The following ACSL5 variants were observed in gnomAD, a reference collection of about 807,000 sequenced individuals.
The protein encoded by ACSL5 is long-chain-fatty-acid--CoA ligase 5.
A neutral mutation model predicts 84.9 loss-of-function variants in ACSL5; 50 were observed. The observed-to-expected ratio is 0.59, with a 90% CI of 0.47 to 0.75. ACSL5 has a LOEUF of 0.75. Among genes scored for constraint, ACSL5 ranks in the 30% least tolerant of loss-of-function variants. The probability of loss-of-function intolerance (pLI) is 0.00; values close to 1 mark genes in which losing one functional copy is unlikely to be tolerated. For synonymous variants in ACSL5, 280 were observed against 300.7 expected (o/e 0.93, Z 0.71); for missense variants, 775 against 830.4 (o/e 0.93, Z 0.82).
chr10:112,390,291 C>T (rs1289206979), intron 1 of ACSL5, among the ~76,000 whole-genome samples: 1 of 152,000 alleles, frequency 6.6e-6, no homozygotes. Flanking sequence ...TGCTCAACAT[C>T]CTTAGTCATT....
intron 3 of ACSL5, among the ~76,000 whole-genome samples, chr10:112,400,406 C>CTTTTTTTT (rs573644087): frequency 5.6e-4 from 55 of 98,856 alleles, no homozygotes; most frequent in African/African-American, 7.9e-4. Context: ...TTTTTCTTTT[C>CTTTTTTTT]TTTTTTTTTT....
rs532378155 is a variant in ACSL5, at chr10:112,381,583, G to T, written c.-30+7314G>T. On this transcript the variant is annotated intron_variant, in intron 1 of 20. Transcript: ENST00000354655. Reference sequence around the variant, plus strand: ...CTCGGGAGGCTGAGGCAGGAGAATCGCTTGAGCCCTGGAGGCGGAGGTTGC... The same window carrying T: ...CTCGGGAGGCTGAGGCAGGAGAATCTCTTGAGCCCTGGAGGCGGAGGTTGC... Among the ~76,000 whole-genome samples, 7 of 151,032 alleles carry T rather than the reference G, an allele frequency of 4.6e-5. No individual in the cohort carries two copies. The East Asian group carries it at 1.2e-3, about 25-fold the overall frequency.
At chr10:112,376,623 C>T (rs1849245297) in intron 1 of ACSL5, among the ~76,000 whole-genome samples, 1 of 152,078 alleles carries the variant, frequency 6.6e-6, no homozygotes, top group South Asian at 2.1e-4. Flanking sequence ...TGCCTTCAGA[C>T]CCTGTGTCAG....
intron 3 of ACSL5, among the ~76,000 whole-genome samples, chr10:112,400,040 C>T (rs574168041): frequency 1.5e-4 from 23 of 152,286 alleles, no homozygotes; most frequent in African/African-American, 5.3e-4. Flanking sequence ...GTCAAGAAAA[C>T]ATCTATCTGA....
At chr10:112,416,388 G>T (rs944821463) in intron 12 of ACSL5, among the ~76,000 whole-genome samples, 1 of 149,168 alleles carries the variant, frequency 6.7e-6, no homozygotes, top group Non-Finnish European at 1.5e-5. Context: ...GGAGAATGGC[G>T]TGAACCTGGG....
intron 3 of ACSL5, 56 bp from the exon 4 acceptor site, chr10:112,404,455 C>G (rs2133614566): frequency 7.2e-7 from 1 of 1,390,608 alleles, no homozygotes; most frequent in Non-Finnish European, 1.0e-6. Flanking sequence ...TTTTAGCTTC[C>G]TTGGTCCAGA....
chr10:112,405,593 A>G (rs1004719730), intron 5 of ACSL5, among the ~76,000 whole-genome samples: 1 of 152,162 alleles, frequency 6.6e-6, no homozygotes, highest in Admixed American at 6.5e-5. Context: ...AGTCAGCCTC[A>G]ATAGAAAAAG....
Position 112,408,488 on chromosome 10 carries a change from G to C in ACSL5, c.499G>C (p.Gly167Arg), listed in dbSNP as rs373960366. ...AGCTGTACCTCTGTATGACACCTTG[G>C]GACCAGAAGCCATCGTACATATTGT... ...MVAVPLYDTL[G>R]PEAIVHIVNK... Residue 167 changes from glycine (G) to arginine (R), a missense_variant, in exon 6 of 21, where the codon GGA becomes CGA. Coordinates refer to ENST00000354655, the MANE Select transcript of ACSL5 (RefSeq NM_203379.2). 1 of 1,613,240 alleles carries C rather than the reference G, an allele frequency of 6.2e-7. No individual in the cohort carries two copies. The highest frequency in any genetic ancestry group is 1.7e-5 in the Admixed American group (1 of 59,990).
At chr10:112,397,524 C>T (rs1035506144) in intron 2 of ACSL5, among the ~76,000 whole-genome samples, 12 of 152,216 alleles carry the variant, frequency 7.9e-5, no homozygotes, top group Admixed American at 2.6e-4. Flanking sequence ...CCCAACTCTG[C>T]GCTGCGTTTT....
chr10:112,381,598 G>A (rs1232735486), intron 1 of ACSL5, among the ~76,000 whole-genome samples: 1 of 150,192 alleles, frequency 6.7e-6, no homozygotes, highest in Non-Finnish European at 1.5e-5. Context: ...AGCCCTGGAG[G>A]CGGAGGTTGC....
intron 5 of ACSL5, among the ~76,000 whole-genome samples, chr10:112,405,389 T>G (rs1459702636): frequency 6.6e-6 from 1 of 152,210 alleles, no homozygotes; most frequent in Non-Finnish European, 1.5e-5. Context: ...ATACAAAATC[T>G]GTGTTAACTG....
Position 112,412,082 on chromosome 10 carries a change from G to T in ACSL5, c.948+103G>T, listed in dbSNP as rs1000256247. 14 of 1,197,954 alleles carry T rather than the reference G, an allele frequency of 1.2e-5. No homozygotes were observed. In the South Asian group the frequency reaches 1.8e-4, roughly 15 times the overall value. The allele number at this position is 1,197,954 out of a possible 1,614,324, so 74.2% of individuals were successfully genotyped here. ...ACACAGTATTTACTGTTCTTTCTCCGGTGTGAGAGGTGCAGGCAAGGAGTT... is the reference window on the plus strand; with the variant it reads ...ACACAGTATTTACTGTTCTTTCTCCTGTGTGAGAGGTGCAGGCAAGGAGTT... On this transcript the variant is annotated intron_variant, in intron 11 of 20. Coordinates refer to ENST00000354655, the MANE Select transcript of ACSL5 (RefSeq NM_203379.2).
Position 112,427,504 on chromosome 10 carries a change from G to A in ACSL5, c.*146G>A. On this transcript the variant is annotated 3_prime_UTR_variant, in exon 21 of 21. Coordinates refer to ENST00000354655, the MANE Select transcript of ACSL5 (RefSeq NM_203379.2). ...AGCCATAGCTTTTGTTTTATATTGA[G>A]ACATATAATGTGTAAACTTAGTTCC... 1 of 646,516 alleles carries A rather than the reference G, an allele frequency of 1.5e-6. No homozygotes were observed. Among genetic ancestry groups the A allele is most frequent in the Non-Finnish European group, 2.4e-6 (1 of 416,858 alleles). The allele number at this position is 646,516 out of a possible 1,614,324, so 40.0% of individuals were successfully genotyped here. A position where few individuals can be genotyped will look rare whatever the true frequency, so the allele number is the denominator to read the frequency against.
In ACSL5 at chr10:112,399,195, C is replaced by A. The variant is rs558929732; in HGVS notation, c.265+186C>A. ...GATGGGCGTTGGAACCAGTGTCAGA[C>A]GGACTTAGGTTTGAAACCTGGTTCT... On this transcript the variant is annotated intron_variant, in intron 3 of 20. Coordinates refer to ENST00000354655, the MANE Select transcript of ACSL5 (RefSeq NM_203379.2). 1.8e-3 allele frequency among the ~76,000 whole-genome samples: 278 copies of A among 152,304 alleles called. 1 individual carries two copies. The highest frequency in any genetic ancestry group is 6.5e-3 in the African/African-American group (269 of 41,576).
In ACSL5 at chr10:112,415,890, C is replaced by T. The variant is rs185656185; in HGVS notation, c.1084-998C>T. ...TTTGGAAATAAGGGGTCACTTTGAG[C>T]TGTACTTGGGGAAGCTCTCCTTTGG... On this transcript the variant is annotated intron_variant, in intron 12 of 20. Coordinates refer to ENST00000354655, the MANE Select transcript of ACSL5 (RefSeq NM_203379.2). 2.8e-3 allele frequency among the ~76,000 whole-genome samples: 425 copies of T among 152,270 alleles called. 1 individual carries two copies. Among genetic ancestry groups the T allele is most frequent in the African/African-American group, 9.9e-3 (413 of 41,550 alleles).
At chr10:112,409,710 A>C (rs2133627308) in intron 7 of ACSL5, 25 bp downstream of exon 7, 2 of 1,610,942 alleles carry the variant, frequency 1.2e-6, no homozygotes, top group South Asian at 2.2e-5. Flanking sequence ...TTTAGCTTGC[A>C]GCTCCAATGC....
chr10:112,412,570 G>T (rs1395114384), intron 11 of ACSL5: 1 of 152,758 alleles, frequency 6.5e-6, no homozygotes, highest in African/African-American at 2.4e-5. Context: ...TTTCAAAAAC[G>T]CAGGTAGTGT....
chr10:112,390,655 AATAG>A (rs56390024), intron 1 of ACSL5, among the ~76,000 whole-genome samples: 61,970 of 149,338 alleles, frequency 0.41, 12,821 homozygotes, highest in South Asian at 0.48. Context: ...TAGATAGATA[AATAG>A]ATAGATAGAT....
chr10:112,421,503 G>C, intron 14 of ACSL5, 90 bp from the exon 15 acceptor site: 1 of 1,177,394 alleles, frequency 8.5e-7, no homozygotes, highest in South Asian at 1.2e-5. Flanking sequence ...AACCCTTAGA[G>C]ACCTTGCTTT....
Sources: allele counts gnomAD v4.1 joint callset (sites outside exome capture counted in the v4.1 genomes callset), GRCh38; gene constraint gnomAD v4.1.1; transcripts MANE v1.5; gene names NCBI Gene and HGNC (gene_info 2026-07-23, HGNC 2026-07-21).